ABCD3: variants seen among roughly 807,000 people sequenced by gnomAD.
ABCD3 encodes ATP binding cassette subfamily D member 3.
In ABCD3, 41 loss-of-function variants were observed where a neutral mutation model predicts 105.5. The observed-to-expected ratio is 0.39, with a 90% CI of 0.30 to 0.50. The LOEUF is 0.50. ABCD3 is among the 20% of genes least tolerant of loss of function. The pLI, the probability that ABCD3 is intolerant of heterozygous loss-of-function variation, is 0.84. For synonymous variants in ABCD3, 258 were observed against 269.0 expected, an observed-to-expected ratio of 0.96 and a Z score of 0.40; for missense variants, 622 against 806.3, an observed-to-expected ratio of 0.77 and a Z score of 2.77.
At chr1:94,395,811 G>A in the ABCD3 span, among the ~76,000 whole-genome samples, 1 of 152,050 alleles carries the variant, frequency 6.6e-6, no homozygotes, top group Non-Finnish European at 1.5e-5. Flanking sequence ...TACAGTGTGA[G>A]TGAGTGTGTG....
chr1:94,398,764 A>G, the ABCD3 span, among the ~76,000 whole-genome samples: 12 of 152,222 alleles, frequency 7.9e-5, no homozygotes, highest in Non-Finnish European at 1.3e-4. Context: ...ATGCAAAAAA[A>G]TTAGCTGGAC....
intron 9 of ABCD3, among the ~76,000 whole-genome samples, chr1:94,480,899 T>TA (rs976254654): frequency 1.3e-5 from 2 of 152,228 alleles, no homozygotes; most frequent in African/African-American, 2.4e-5. Flanking sequence ...AATTTCAACT[T>TA]ACAATACCTG....
At chr1:94,503,390 C>T (rs563941439) in intron 20 of ABCD3, among the ~76,000 whole-genome samples, 15 of 152,102 alleles carry the variant, frequency 9.9e-5, no homozygotes, top group Admixed American at 5.2e-4. Flanking sequence ...TCCCTACTTC[C>T]GCTGTCTTGG....
chr1:94,413,740 G>A (rs1658954234), upstream of ABCD3, among the ~76,000 whole-genome samples: 1 of 152,184 alleles, frequency 6.6e-6, no homozygotes, highest in Non-Finnish European at 1.5e-5. Context: ...TTTGTTCTCA[G>A]TGACTTGAGG....
the ABCD3 span, among the ~76,000 whole-genome samples, chr1:94,395,655 A>G: frequency 6.6e-6 from 1 of 152,224 alleles, no homozygotes; most frequent in South Asian, 2.1e-4. Flanking sequence ...GGCACAGTGC[A>G]GAGTGCCAAA....
intron 1 of ABCD3, among the ~76,000 whole-genome samples, chr1:94,432,417 A>T (rs1272016980): frequency 6.6e-6 from 1 of 152,248 alleles, no homozygotes; most frequent in Non-Finnish European, 1.5e-5. Flanking sequence ...CATGGAGTTA[A>T]TGGAGTTATA....
the ABCD3 span, among the ~76,000 whole-genome samples, chr1:94,396,282 A>G: frequency 6.6e-6 from 1 of 152,188 alleles, no homozygotes; most frequent in Non-Finnish European, 1.5e-5. Context: ...TCATAGTGCT[A>G]TTGTGAGAAT....
chr1:94,465,349 T>C (rs1648086875), intron 3 of ABCD3, among the ~76,000 whole-genome samples: 1 of 152,232 alleles, frequency 6.6e-6, no homozygotes, highest in South Asian at 2.1e-4. Flanking sequence ...CATAACACTT[T>C]GGTTATACTA....
In ABCD3 at chr1:94,431,289, A is replaced by G. The variant is rs138705048; in HGVS notation, c.110+12701A>G. 3.7e-4 allele frequency among the ~76,000 whole-genome samples: 57 copies of G among 152,322 alleles called. No individual in the cohort carries two copies. The Middle Eastern group carries it at 0.014, about 36-fold the overall frequency. The stretch of plus-strand genomic sequence containing the variant: ...TCTTTCCAGAATGAGGGCTGGAGGA[A>G]GTAGCTTGGCCTGAGATAGGCAGGT... On this transcript the variant is annotated intron_variant, in intron 1 of 22. Transcript: ENST00000370214.
At chr1:94,513,161 T>C (rs2101069679) in intron 21 of ABCD3, among the ~76,000 whole-genome samples, 1 of 152,272 alleles carries the variant, frequency 6.6e-6, no homozygotes, top group African/African-American at 2.4e-5. Flanking sequence ...ATTTATTTTC[T>C]ATTCTTGAAT....
the ABCD3 span, among the ~76,000 whole-genome samples, chr1:94,411,936 C>G: frequency 1.3e-5 from 2 of 152,092 alleles, no homozygotes; most frequent in Non-Finnish European, 2.9e-5. Flanking sequence ...ATGAAATGTC[C>G]AGAATAGGTA....
At chr1:94,459,764 T>G (rs975378733) in intron 2 of ABCD3, among the ~76,000 whole-genome samples, 13 of 152,226 alleles carry the variant, frequency 8.5e-5, no homozygotes, top group Admixed American at 8.5e-4. Flanking sequence ...CAGTCATTCC[T>G]TATTACCCTC....
intron 16 of ABCD3, among the ~76,000 whole-genome samples, chr1:94,491,516 A>G (rs1649536595): frequency 6.6e-6 from 1 of 152,168 alleles, no homozygotes. Flanking sequence ...TGGAGTCTCC[A>G]GTGTAAAATG....
chr1:94,389,632 C>A, the ABCD3 span, among the ~76,000 whole-genome samples: 2 of 152,066 alleles, frequency 1.3e-5, no homozygotes, highest in South Asian at 2.1e-4. Context: ...ATCTCTGTTC[C>A]GGCCTCTCAG....
intron 10 of ABCD3, 27 bp from the exon 11 acceptor site, chr1:94,487,515 T>A (rs1369955297): frequency 6.2e-7 from 1 of 1,604,230 alleles, no homozygotes; most frequent in Admixed American, 1.7e-5. Flanking sequence ...GAGAAAAAGA[T>A]GGTTTTTTGT....
intron 1 of ABCD3, among the ~76,000 whole-genome samples, chr1:94,430,395 A>G (rs1017917121): frequency 2.6e-5 from 4 of 152,138 alleles, no homozygotes; most frequent in African/African-American, 9.7e-5. Context: ...GCAGAATGAT[A>G]TGGTTTGGCT....
At chr1:94,426,836 C>T (rs368157068) in intron 1 of ABCD3, among the ~76,000 whole-genome samples, 4 of 146,162 alleles carry the variant, frequency 2.7e-5, no homozygotes, top group African/African-American at 1.0e-4. Flanking sequence ...AGAGCTACCG[C>T]GCCCAGCCTG....
At chr1:94,512,672 T>TAAA (rs1650739521) in intron 21 of ABCD3, among the ~76,000 whole-genome samples, 1 of 152,064 alleles carries the variant, frequency 6.6e-6, no homozygotes, top group Admixed American at 6.6e-5. Flanking sequence ...AAGCTGCTTT[T>TAAA]AGTAGCTAAG....
intron 20 of ABCD3, among the ~76,000 whole-genome samples, chr1:94,505,183 T>G (rs1197957954): frequency 6.6e-6 from 1 of 152,144 alleles, no homozygotes; most frequent in Non-Finnish European, 1.5e-5. Flanking sequence ...TATTTTTAAT[T>G]TTTTAAATGT....
Sources: allele counts gnomAD v4.1 joint callset (sites outside exome capture counted in the v4.1 genomes callset), GRCh38; gene constraint gnomAD v4.1.1; transcripts MANE v1.5; gene names NCBI Gene and HGNC (gene_info 2026-07-23, HGNC 2026-07-21).